The following KIF1B variants were observed in gnomAD, a reference collection of about 807,000 sequenced individuals.
The protein encoded by KIF1B is kinesin-like protein KIF1B.
Under a neutral mutation model 241.9 loss-of-function variants are expected in KIF1B, and 76 were observed. The ratio of observed to expected loss-of-function variants is 0.31; its 90% CI spans 0.26 to 0.38. The LOEUF (loss-of-function observed/expected upper bound fraction) is 0.38. KIF1B is among the 10% of genes least tolerant of loss of function. The pLI is 1.00. For missense variants in KIF1B, 1,622 were observed against 2,271.4 expected (o/e 0.71, Z 5.81); for synonymous variants, 750 against 796.7 (o/e 0.94, Z 0.99).
At chr1:10,260,459 A>G (rs1648066695) in intron 4 of KIF1B, among the ~76,000 whole-genome samples, 1 of 152,172 alleles carries the variant, frequency 6.6e-6, no homozygotes, top group African/African-American at 2.4e-5. Context: ...ATTTAGTTTT[A>G]AAAACAGTTT....
intron 2 of KIF1B, among the ~76,000 whole-genome samples, chr1:10,244,368 G>T (rs1647177623): frequency 7.0e-6 from 1 of 143,832 alleles, no homozygotes; most frequent in Non-Finnish European, 1.5e-5. Flanking sequence ...AGGCTGGAGT[G>T]CAATGGCCCG....
At chr1:10,345,681 C>T (rs930396795) in intron 34 of KIF1B, 164 bp from the exon 35 acceptor site, 1 of 640,030 alleles carries the variant, frequency 1.6e-6, no homozygotes, top group Non-Finnish European at 2.8e-6. Flanking sequence ...TAATAACTTA[C>T]AAAGTTTATA....
chr1:10,220,764 G>C (rs547038285), intron 1 of KIF1B, among the ~76,000 whole-genome samples: 1 of 152,242 alleles, frequency 6.6e-6, no homozygotes, highest in East Asian at 1.9e-4. Flanking sequence ...CCAGGTTCAA[G>C]CTATTCTCCT....
chr1:10,211,267 C>A (rs1056489421), intron 1 of KIF1B, among the ~76,000 whole-genome samples: 1 of 152,238 alleles, frequency 6.6e-6, no homozygotes, highest in Non-Finnish European at 1.5e-5. Context: ...TTTCCCTCTC[C>A]CCTTTCCTCC....
At chr1:10,258,283 T>C (rs1195895612) in intron 3 of KIF1B, among the ~76,000 whole-genome samples, 1 of 152,148 alleles carries the variant, frequency 6.6e-6, no homozygotes, top group Non-Finnish European at 1.5e-5. Flanking sequence ...CCTGGATGAC[T>C]CTAACAGTGC....
At chr1:10,268,375 T>C in intron 7 of KIF1B, 112 bp downstream of exon 7, 1 of 742,014 alleles carries the variant, frequency 1.3e-6, no homozygotes, top group Non-Finnish European at 2.4e-6. Context: ...GGTGCTCTTT[T>C]ACTTAATGGA....
rs146641763 is a variant in KIF1B at position 10,231,712 on chromosome 1, G to T, written c.-79-538G>T. ...CAATGCACTTCTTTAAAGAGAAGTA[G>T]TAAGTGGTTTGCACGTGGAAAGTTA... is the stretch of plus-strand genomic sequence containing the variant. On this transcript the variant is annotated intron_variant, in intron 1 of 48. Coordinates refer to ENST00000676179, the MANE Select transcript of KIF1B (RefSeq NM_001365951.3). Among the ~76,000 whole-genome samples the T allele has an allele frequency of 6.6e-3, 1,005 of 152,206 alleles. 10 individuals carry two copies. The highest frequency in any genetic ancestry group is 6.5e-3 in the Non-Finnish European group (439 of 68,018).
At chr1:10,212,717 C>T (rs1646708208) in intron 1 of KIF1B, among the ~76,000 whole-genome samples, 1 of 151,582 alleles carries the variant, frequency 6.6e-6, no homozygotes, top group African/African-American at 2.4e-5. Context: ...GACTCTGTCT[C>T]TACAAAAATA....
intron 44 of KIF1B, among the ~76,000 whole-genome samples, chr1:10,370,810 T>C (rs1569921861): frequency 6.6e-6 from 1 of 152,024 alleles, no homozygotes; most frequent in African/African-American, 2.4e-5. Context: ...TTTGAAAATA[T>C]TTTCACCAGT....
intron 38 of KIF1B, among the ~76,000 whole-genome samples, chr1:10,354,038 T>TA (rs1485472893): frequency 6.6e-6 from 1 of 152,172 alleles, no homozygotes; most frequent in African/African-American, 2.4e-5. Flanking sequence ...TTGGTTGAAA[T>TA]ACTGGTTATT....
At chr1:10,320,772 G>T (rs1453974631) in intron 23 of KIF1B, among the ~76,000 whole-genome samples, 3 of 151,108 alleles carry the variant, frequency 2.0e-5, no homozygotes, top group Non-Finnish European at 4.4e-5. Context: ...TGTCGCCCAC[G>T]CTGGAGTGCA....
chr1:10,240,981 G>A (rs1245366792), intron 2 of KIF1B, among the ~76,000 whole-genome samples: 1 of 152,038 alleles, frequency 6.6e-6, no homozygotes, highest in Non-Finnish European at 1.5e-5. Flanking sequence ...TGAGCCTTAG[G>A]TTCTTCATTT....
chr1:10,324,723 A>AT (rs1651661035), intron 25 of KIF1B, 35 bp from the exon 26 acceptor site: 1 of 1,611,694 alleles, frequency 6.2e-7, no homozygotes, highest in African/African-American at 1.3e-5. Context: ...CAATCTCATT[A>AT]TATTAACCCA....
chr1:10,235,994 C>T (rs1053070595), intron 2 of KIF1B, among the ~76,000 whole-genome samples: 9 of 151,906 alleles, frequency 5.9e-5, no homozygotes, highest in Non-Finnish European at 1.2e-4. Flanking sequence ...ATATTTGGGC[C>T]GGGCACGGTG....
At chr1:10,317,567 C>T (rs1651353861) in intron 22 of KIF1B, among the ~76,000 whole-genome samples, 1 of 151,396 alleles carries the variant, frequency 6.6e-6, no homozygotes, top group Non-Finnish European at 1.5e-5. Context: ...CGCACTGGCT[C>T]ACATCTATAA....
At chr1:10,309,768 G>C (rs1391568890) in intron 22 of KIF1B, among the ~76,000 whole-genome samples, 1 of 151,428 alleles carries the variant, frequency 6.6e-6, no homozygotes, top group Non-Finnish European at 1.5e-5. Context: ...TATCTTGTCA[G>C]TGTCCTCAGG....
intron 2 of KIF1B, among the ~76,000 whole-genome samples, chr1:10,252,205 A>G (rs1423596976): frequency 6.6e-6 from 1 of 151,784 alleles, no homozygotes; most frequent in Non-Finnish European, 1.5e-5. Flanking sequence ...ATGCCTCGCT[A>G]ACTTTTGTAT....
At chr1:10,308,199 T>G in intron 22 of KIF1B, 1 of 1,061,624 alleles carries the variant, frequency 9.4e-7, no homozygotes, top group Non-Finnish European at 1.1e-6. Flanking sequence ...GGATGCTGCC[T>G]GTGTCCTGGT....
In KIF1B at chr1:10,321,782, A is replaced by G. The variant is rs1349158879; in HGVS notation, c.2283A>G (p.Ser761=). 2 of 1,614,220 alleles carry G rather than the reference A, an allele frequency of 1.2e-6. No individual in the cohort carries two copies. The highest frequency in any genetic ancestry group is 1.1e-5 in the South Asian group (1 of 91,084). The part of the protein sequence containing the change: ...FRKWKSHQFT[S]LRDLLWGNAV... Reference sequence around the variant, plus strand: ...AATGGAAGTCTCATCAGTTTACTTCATTACGGGACTTACTCTGGGGCAATG... The same window carrying G: ...AATGGAAGTCTCATCAGTTTACTTCGTTACGGGACTTACTCTGGGGCAATG... Residue 761 remains serine, a synonymous_variant, in exon 24 of 49, where the codon TCA becomes TCG. Coordinates refer to ENST00000676179, the MANE Select transcript of KIF1B (RefSeq NM_001365951.3).
Sources: gnomAD v4.1 joint callset for allele counts (sites outside exome capture counted in the v4.1 genomes callset) on GRCh38, gnomAD v4.1.1 for gene constraint, MANE v1.5 for transcripts, NCBI Gene and HGNC (gene_info 2026-07-23, HGNC 2026-07-21) for gene names.